Variants in SUPT3H observed in about 807,000 individuals in gnomAD.
SUPT3H encodes the protein SPT3 homolog, SAGA and STAGA complex component, also known as transcription initiation protein SPT3 homolog.
SUPT3H carries 44 observed loss-of-function variants against 44.3 expected under a neutral mutation model. The ratio of observed to expected loss-of-function variants is 0.99; its 90% confidence interval spans 0.78 to 1.28. The LOEUF (loss-of-function observed/expected upper bound fraction) is 1.28, where lower values mean the gene tolerates loss of function less well. Among genes scored for constraint, SUPT3H ranks in the 50% most tolerant of loss-of-function variants. The probability of loss-of-function intolerance (pLI) is 0.00; values close to 1 mark genes in which losing one functional copy is unlikely to be tolerated. For missense variants in SUPT3H, 380 were observed against 387.1 expected, an observed-to-expected ratio of 0.98 and a Z score of 0.15; for synonymous variants, 124 against 125.6, an observed-to-expected ratio of 0.99 and a Z score of 0.09.
chr6:45,310,155 C>T lies in SUPT3H; in HGVS notation c.101+55046G>A, dbSNP rs527566448. Among the ~76,000 whole-genome samples, 4 of 152,282 alleles carry T rather than the reference C, an allele frequency of 2.6e-5. No individual in the cohort carries two copies. In the South Asian group the frequency reaches 6.2e-4, roughly 24 times the overall value. On this transcript the variant is annotated intron_variant, in intron 2 of 10. Coordinates refer to ENST00000371459, the MANE Select transcript of SUPT3H (RefSeq NM_003599.4). ...GGGAGCTAAGTGAGGCCTGTGATTG[C>T]CGCTTTTCCTCACATCCCTGACAAC... is the stretch of plus-strand genomic sequence containing the variant.
intron 2 of SUPT3H, among the ~76,000 whole-genome samples, chr6:45,261,113 T>C (rs1212808649): frequency 6.6e-6 from 1 of 151,956 alleles, no homozygotes; most frequent in Admixed American, 6.6e-5. Flanking sequence ...AACAGGCAAA[T>C]TCACAGCCAA....
chr6:45,360,936 C>T (rs929153982), intron 2 of SUPT3H, among the ~76,000 whole-genome samples: 1 of 152,076 alleles, frequency 6.6e-6, no homozygotes, highest in African/African-American at 2.4e-5. Context: ...AGACTATATG[C>T]CTCTTGAAGG....
chr6:45,375,901 T>C (rs549077565), intron 1 of SUPT3H, among the ~76,000 whole-genome samples: 1 of 152,292 alleles, frequency 6.6e-6, no homozygotes, highest in African/African-American at 2.4e-5. Context: ...TTCACTTATC[T>C]CTCCAAAAGA....
chr6:45,269,788 A>G (rs1775828256), intron 2 of SUPT3H, among the ~76,000 whole-genome samples: 1 of 152,232 alleles, frequency 6.6e-6, no homozygotes, highest in Admixed American at 6.5e-5. Flanking sequence ...TATAACTCAC[A>G]TACCATAAAA....
intron 2 of SUPT3H, among the ~76,000 whole-genome samples, chr6:45,250,352 A>C (rs1488716875): frequency 6.6e-6 from 1 of 150,674 alleles, no homozygotes; most frequent in Non-Finnish European, 1.5e-5. Flanking sequence ...ATGTAAAAGA[A>C]ACATTAAGGC....
intron 10 of SUPT3H, among the ~76,000 whole-genome samples, chr6:44,850,811 G>A (rs933362745): frequency 1.5e-4 from 22 of 146,524 alleles, no homozygotes; most frequent in Non-Finnish European, 2.7e-4. Context: ...TACCTTGTAT[G>A]TACAAACATA....
At chr6:45,028,376 C>T (rs1402334232) in intron 3 of SUPT3H, among the ~76,000 whole-genome samples, 2 of 152,090 alleles carry the variant, frequency 1.3e-5, no homozygotes, top group Middle Eastern at 3.2e-3. Flanking sequence ...ACCTTCAATC[C>T]CAAACTTTTC....
In SUPT3H at chr6:45,031,573, A is replaced by C. The variant is rs1014181360; in HGVS notation, c.187-10941T>G. 1.1e-3 allele frequency among the ~76,000 whole-genome samples: 167 copies of C among 152,326 alleles called. 1 individual carries two copies. The highest frequency in any genetic ancestry group is 0.01 in the Middle Eastern group (3 of 294). ...TAGTTTTGTTGTTACGGTTTTTAAC[A>C]GAATAGCTGATCTTTTTGGTCCTCA... On this transcript the variant is annotated intron_variant, in intron 3 of 10. Transcript: ENST00000371459.
At position 45,106,014 on chromosome 6, in the gene SUPT3H, A is replaced by G; in HGVS notation, c.102-8T>C. The G allele has an allele frequency of 6.2e-7, 1 of 1,610,304 alleles. No individual in the cohort carries two copies. Among genetic ancestry groups the G allele is most frequent in the Non-Finnish European group, 8.5e-7 (1 of 1,176,932 alleles). ...GCATCACCTAAAGAATACCTGCAAAATAATTTTAAACACACCAATATTAAG... is the reference window on the plus strand; with the variant it reads ...GCATCACCTAAAGAATACCTGCAAAGTAATTTTAAACACACCAATATTAAG... On this transcript the variant is annotated splice_polypyrimidine_tract_variant and splice_region_variant and intron_variant, in intron 2 of 10. Coordinates refer to ENST00000371459, the MANE Select transcript of SUPT3H (RefSeq NM_003599.4).
At chr6:45,177,566 G>A (rs1023158711) in intron 2 of SUPT3H, among the ~76,000 whole-genome samples, 1 of 151,616 alleles carries the variant, frequency 6.6e-6, no homozygotes, top group Non-Finnish European at 1.5e-5. Flanking sequence ...GAAATACACA[G>A]AACACCACAA....
At chr6:45,176,030 G>A (rs567975196) in intron 2 of SUPT3H, among the ~76,000 whole-genome samples, 79 of 152,218 alleles carry the variant, frequency 5.2e-4, no homozygotes, top group African/African-American at 1.8e-3. Flanking sequence ...TGCTCACCTT[G>A]GTCCATGATT....
chr6:45,198,178 A>C (rs1277281607), intron 2 of SUPT3H, among the ~76,000 whole-genome samples: 2 of 151,002 alleles, frequency 1.3e-5, no homozygotes, highest in Non-Finnish European at 3.0e-5. Flanking sequence ...TATGAAAGCC[A>C]GGCAGGAACA....
At chr6:44,886,869 A>G (rs1163353875) in intron 10 of SUPT3H, among the ~76,000 whole-genome samples, 2 of 152,170 alleles carry the variant, frequency 1.3e-5, no homozygotes, top group East Asian at 3.8e-4. Context: ...TATTCAGGAA[A>G]CCCATCTCAC....
intron 3 of SUPT3H, among the ~76,000 whole-genome samples, chr6:45,077,996 A>T (rs1289161904): frequency 6.6e-6 from 1 of 152,130 alleles, no homozygotes; most frequent in Non-Finnish European, 1.5e-5. Context: ...GGAACACACA[A>T]TCTAAAACAT....
rs140244317 is a variant in SUPT3H, at chr6:45,109,164, T to C, written c.102-3158A>G. On this transcript the variant is annotated intron_variant, in intron 2 of 10. Transcript: ENST00000371459. ...TAATATAAAGCTACAATCATTAAGA[T>C]AGTATGTTATTTGGTGCAAACAACC... 4.4e-3 allele frequency among the ~76,000 whole-genome samples: 676 copies of C among 152,248 alleles called. 5 individuals carry two copies. Among genetic ancestry groups the C allele is most frequent in the African/African-American group, 0.016 (649 of 41,558 alleles).
At chr6:45,271,362 G>A (rs771691164) in intron 2 of SUPT3H, among the ~76,000 whole-genome samples, 8 of 152,172 alleles carry the variant, frequency 5.3e-5, no homozygotes, top group African/African-American at 1.2e-4. Context: ...GGGTCCCCGC[G>A]GTGTGTGCAG....
chr6:44,987,546 T>C (rs1211997335), intron 6 of SUPT3H, among the ~76,000 whole-genome samples: 2 of 152,088 alleles, frequency 1.3e-5, no homozygotes, highest in Non-Finnish European at 2.9e-5. Flanking sequence ...GTAGCAACCT[T>C]AACAAGAGTA....
intron 2 of SUPT3H, among the ~76,000 whole-genome samples, chr6:45,237,339 A>C (rs1020909817): frequency 6.6e-6 from 1 of 152,210 alleles, no homozygotes; most frequent in African/African-American, 2.4e-5. Context: ...AAGCATATCA[A>C]AGTAGTTACA....
chr6:45,157,662 C>T (rs1808059044), intron 2 of SUPT3H, among the ~76,000 whole-genome samples: 1 of 151,998 alleles, frequency 6.6e-6, no homozygotes, highest in Non-Finnish European at 1.5e-5. Context: ...TATTCTCCTG[C>T]CTCAGCCTCC....
Sources: gnomAD v4.1 joint callset for allele counts (sites outside exome capture counted in the v4.1 genomes callset) on GRCh38, gnomAD v4.1.1 for gene constraint, MANE v1.5 for transcripts, NCBI Gene and HGNC (gene_info 2026-07-23, HGNC 2026-07-21) for gene names.